Variants in GDPD4 observed in about 807,000 individuals in gnomAD.
GDPD4 encodes glycerophosphodiester phosphodiesterase 6.
In GDPD4, 60 loss-of-function variants were observed where a neutral mutation model predicts 67.8. The observed-to-expected ratio is 0.88, with a 90% CI of 0.72 to 1.10. The LOEUF (loss-of-function observed/expected upper bound fraction) is 1.10, where lower values mean the gene tolerates loss of function less well. Among genes scored for constraint, GDPD4 ranks in the 50% least tolerant of loss-of-function variants. GDPD4 has a pLI of 0.00. For missense variants in GDPD4, 623 were observed against 613.9 expected, an observed-to-expected ratio of 1.01 and a Z score of -0.16; for synonymous variants, 212 against 210.9, an observed-to-expected ratio of 1.00 and a Z score of -0.04.
At chr11:77,219,148 T>C (rs540929067) in intron 16 of GDPD4, among the ~76,000 whole-genome samples, 1 of 152,264 alleles carries the variant, frequency 6.6e-6, no homozygotes, top group Non-Finnish European at 1.5e-5. Context: ...TCAGTGACGA[T>C]GAGCATTTTT....
chr11:77,258,736 T>TCTTTCATCC (rs1959053218), intron 10 of GDPD4, among the ~76,000 whole-genome samples, 194 bp from the exon 11 acceptor site: 1 of 152,204 alleles, frequency 6.6e-6, no homozygotes, highest in Non-Finnish European at 1.5e-5. Context: ...TAGGGATCAA[T>TCTTTCATCC]CTTTCATGAT....
At chr11:77,230,607 TGA>T (rs1958434944) in intron 14 of GDPD4, among the ~76,000 whole-genome samples, 1 of 152,220 alleles carries the variant, frequency 6.6e-6, no homozygotes, top group African/African-American at 2.4e-5. Context: ...GATGTTTAAA[TGA>T]GAGAACATAG....
At chr11:77,278,139 G>A (rs1227569120) in intron 4 of GDPD4, among the ~76,000 whole-genome samples, 2 of 152,106 alleles carry the variant, frequency 1.3e-5, no homozygotes, top group Non-Finnish European at 2.9e-5. Flanking sequence ...ATTTGCTGAG[G>A]AGTGCTTTAC....
At chr11:77,226,575 C>T (rs1488704190) in intron 16 of GDPD4, among the ~76,000 whole-genome samples, 1 of 152,208 alleles carries the variant, frequency 6.6e-6, no homozygotes, top group East Asian at 1.9e-4. Context: ...GCCTCCAGAA[C>T]TGTGAGAAAA....
intron 14 of GDPD4, among the ~76,000 whole-genome samples, chr11:77,231,246 A>C (rs1024509836): frequency 6.6e-6 from 1 of 152,250 alleles, no homozygotes; most frequent in Non-Finnish European, 1.5e-5. Context: ...TTACGAGACC[A>C]ATGACCAGAC....
chr11:77,301,353 T>C (rs1319673504), intron 1 of GDPD4, among the ~76,000 whole-genome samples: 3 of 152,170 alleles, frequency 2.0e-5, no homozygotes, highest in East Asian at 1.9e-4. Context: ...AGGATTGGCA[T>C]AGTCGAAGCT....
intron 11 of GDPD4, among the ~76,000 whole-genome samples, chr11:77,253,954 C>A (rs1292638322): frequency 6.6e-6 from 1 of 152,106 alleles, no homozygotes; most frequent in Non-Finnish European, 1.5e-5. Flanking sequence ...TGCTTGGCTC[C>A]ACAGAGAAAG....
At chr11:77,245,029 A>G (rs1481812435) in intron 12 of GDPD4, among the ~76,000 whole-genome samples, 4 of 152,212 alleles carry the variant, frequency 2.6e-5, no homozygotes, top group Non-Finnish European at 4.4e-5. Context: ...CCTCTTTAAC[A>G]GGGTGCTGAC....
rs768750509 is a variant in GDPD4 at position 77,271,209 on chromosome 11, G to A, written c.321C>T (p.Tyr107=). The change falls in exon 7 of 17, where the codon TAC becomes TAT. Residue 107 remains tyrosine (Y), a synonymous_variant. Coordinates refer to ENST00000315938, the MANE Select transcript of GDPD4 (RefSeq NM_182833.3). ...TCACAGTTATGCTGACCAGGTGCAC[G>A]TAGGGAGCAAAGATCTGTGAGAAAG... The part of the protein sequence containing the change: ...AGLSMQIFAP[Y]VHLVSITVMV... The A allele has an allele frequency of 2.8e-5, 45 of 1,613,060 alleles. No homozygotes were observed. Among genetic ancestry groups the A allele is most frequent in the Admixed American group, 1.7e-4 (10 of 59,816 alleles).
intron 13 of GDPD4, among the ~76,000 whole-genome samples, chr11:77,239,479 G>A (rs886387948): frequency 5.3e-5 from 8 of 152,092 alleles, no homozygotes; most frequent in South Asian, 2.1e-4. Flanking sequence ...TCAGTTTATC[G>A]GTTGCAAAGT....
chr11:77,280,249 A>G lies in GDPD4; in HGVS notation c.54-850T>C, dbSNP rs74977963. Among the ~76,000 whole-genome samples the G allele has an allele frequency of 3.2e-4, 48 of 152,222 alleles. 2 individuals carry two copies. In the East Asian group the frequency reaches 9.3e-3, roughly 29 times the overall value. On this transcript the variant is annotated intron_variant, in intron 3 of 16. Coordinates refer to ENST00000315938, the MANE Select transcript of GDPD4 (RefSeq NM_182833.3). ...GAACCCTATGAGCCAACAAATAGAAAAACTTGGACCCAAAAAAACATAATT... is the reference window on the plus strand; with the variant it reads ...GAACCCTATGAGCCAACAAATAGAAGAACTTGGACCCAAAAAAACATAATT...
chr11:77,275,887 A>C (rs1959442502), intron 5 of GDPD4, among the ~76,000 whole-genome samples: 1 of 152,220 alleles, frequency 6.6e-6, no homozygotes, highest in Admixed American at 6.5e-5. Flanking sequence ...CTGGAATGGG[A>C]AGAACAGGGC....
intron 16 of GDPD4, among the ~76,000 whole-genome samples, chr11:77,218,546 C>G (rs1958168871): frequency 6.6e-6 from 1 of 152,112 alleles, no homozygotes; most frequent in Non-Finnish European, 1.5e-5. Context: ...CCCATACCCC[C>G]ACCCCACGAC....
rs764411357 is a variant in GDPD4 at position 77,219,450 on chromosome 11, C to A, written c.1526-2136G>T. ...TGGTGTTTTAGTCATGAAGTCCTTG[C>A]CCATGCCTATGTCCTGAATGGTATT... is the stretch of plus-strand genomic sequence containing the variant. On this transcript the variant is annotated intron_variant, in intron 16 of 16. Coordinates refer to ENST00000315938, the MANE Select transcript of GDPD4 (RefSeq NM_182833.3). Among the ~76,000 whole-genome samples the A allele has an allele frequency of 3.2e-3, 480 of 152,300 alleles. 2 individuals carry two copies. Among genetic ancestry groups the A allele is most frequent in the Non-Finnish European group, 5.4e-3 (364 of 68,028 alleles).
chr11:77,269,365 A>C (rs1670449), intron 8 of GDPD4, among the ~76,000 whole-genome samples: 35,693 of 152,070 alleles, frequency 0.23, 4,668 homozygotes, highest in Non-Finnish European at 0.29. Context: ...AGGAAGGAGA[A>C]GGGATGTCAA....
At chr11:77,289,097 C>T (rs949605592) in intron 1 of GDPD4, among the ~76,000 whole-genome samples, 6 of 151,554 alleles carry the variant, frequency 4.0e-5, no homozygotes, top group African/African-American at 1.5e-4. Context: ...TGGCTGGGCA[C>T]TGTGGCTCAC....
intron 11 of GDPD4, among the ~76,000 whole-genome samples, chr11:77,253,305 GCCTTGGGATGAGGCA>G (rs1472040381): frequency 6.6e-6 from 1 of 152,208 alleles, no homozygotes; most frequent in Non-Finnish European, 1.5e-5. Flanking sequence ...CAGCTTGGGT[GCCTTGGGATGAGGCA>G]CCATGTAGTG....
At chr11:77,249,190 C>T (rs1027915417) in intron 11 of GDPD4, among the ~76,000 whole-genome samples, 6 of 146,010 alleles carry the variant, frequency 4.1e-5, no homozygotes, top group Non-Finnish European at 7.5e-5. Flanking sequence ...CGCTTGAAGC[C>T]GGGAAGCAGA....
Position 77,229,242 on chromosome 11 carries a change from A to G in GDPD4, c.1390-10T>C. The G allele has an allele frequency of 6.4e-7, 1 of 1,552,428 alleles. No homozygotes were observed. Among genetic ancestry groups the G allele is most frequent in the Non-Finnish European group, 8.8e-7 (1 of 1,130,982 alleles). ...CATAGAACTTTGGTGTCTGAAAAAC[A>G]TAAACCACAGTGAAAGAACTTTACA... is the stretch of plus-strand genomic sequence containing the variant. On this transcript the variant is annotated splice_polypyrimidine_tract_variant and intron_variant, in intron 14 of 16. Coordinates refer to ENST00000315938, the MANE Select transcript of GDPD4 (RefSeq NM_182833.3).
Sources: allele counts gnomAD v4.1 joint callset (sites outside exome capture counted in the v4.1 genomes callset), GRCh38; gene constraint gnomAD v4.1.1; transcripts MANE v1.5; gene names NCBI Gene and HGNC (gene_info 2026-07-23, HGNC 2026-07-21).